The following KLRB1 variants were observed in gnomAD, a reference collection of about 807,000 sequenced individuals.
The protein encoded by KLRB1 is killer cell lectin-like receptor subfamily B member 1.
A neutral mutation model predicts 33.5 loss-of-function variants in KLRB1; 27 were observed. The ratio of observed to expected loss-of-function variants is 0.81; its 90% CI spans 0.59 to 1.11. KLRB1 has a LOEUF of 1.11. KLRB1 is among the 50% of genes most tolerant of loss of function. The probability of loss-of-function intolerance (pLI) is 0.00; values close to 1 mark genes in which losing one functional copy is unlikely to be tolerated. For synonymous variants in KLRB1, 64 were observed against 88.9 expected (o/e 0.72, Z 1.58); for missense variants, 241 against 254.1 (o/e 0.95, Z 0.35).
rs1436211104 is a variant in KLRB1, at chr12:9,601,188, T to A, written c.184+313A>T. Among the ~76,000 whole-genome samples the A allele has an allele frequency of 2.0e-5, 3 of 150,044 alleles. No homozygotes were observed. In the East Asian group the frequency reaches 5.8e-4, roughly 29 times the overall value. ...GACCTTTGTTCACGTGTTTGTCTGC[T>A]GACCCTCTCCCCACAATTGTCTTGT... is the stretch of plus-strand genomic sequence containing the variant. On this transcript the variant is annotated intron_variant, in intron 2 of 5. Transcript: ENST00000229402.
chr12:9,596,256 A>G (rs187853416), intron 5 of KLRB1, among the ~76,000 whole-genome samples: 1 of 152,208 alleles, frequency 6.6e-6, no homozygotes, highest in African/African-American at 2.4e-5. Context: ...ATTTCTTCCT[A>G]CTGCCCAACC....
intron 1 of KLRB1, among the ~76,000 whole-genome samples, chr12:9,607,412 T>TCTTTCTTTCTTTCTTTC (rs1565444769): frequency 6.9e-6 from 1 of 145,398 alleles, no homozygotes; most frequent in Non-Finnish European, 1.5e-5. Flanking sequence ...TTCTTTTCTT[T>TCTTTCTTTCTTTCTTTC]CTTTCTTTCT....
chr12:9,607,734 A>G (rs1864639807), intron 1 of KLRB1, 21 bp downstream of exon 1: 1 of 1,527,506 alleles, frequency 6.5e-7, no homozygotes, highest in Admixed American at 1.7e-5. Flanking sequence ...AAATGCCGAA[A>G]GGAAAATTAA....
Position 9,595,078 on chromosome 12 carries a change from ATG to A in KLRB1, c.*194_*195del, listed in dbSNP as rs1864480012. On this transcript the variant is annotated 3_prime_UTR_variant, in exon 6 of 6. Coordinates refer to ENST00000229402, the MANE Select transcript of KLRB1 (RefSeq NM_002258.3). ...TTTAAAACGATGCACGTTTTTCTCT[ATG>A]TCTCTGTTTCCTCATTTAATAGAAT... is the stretch of plus-strand genomic sequence containing the variant. The A allele has an allele frequency of 1.8e-6, 1 of 560,444 alleles. No homozygotes were observed. Among genetic ancestry groups the A allele is most frequent in the Non-Finnish European group, 3.2e-6 (1 of 316,592 alleles). 34.7% of individuals were successfully genotyped at this position (560,444 alleles called of 1,614,324 possible). A position where few individuals can be genotyped will look rare whatever the true frequency, so the allele number is the denominator to read the frequency against.
At chr12:9,598,477 G>A (rs1864511796) in intron 4 of KLRB1, 22 bp downstream of exon 4, 1 of 1,590,418 alleles carries the variant, frequency 6.3e-7, no homozygotes, top group Non-Finnish European at 8.6e-7. Flanking sequence ...GTTTTATTAA[G>A]GTATTTTATT....
intron 1 of KLRB1, among the ~76,000 whole-genome samples, chr12:9,605,281 G>A (rs1416633577): frequency 6.6e-6 from 1 of 152,162 alleles, no homozygotes; most frequent in Non-Finnish European, 1.5e-5. Context: ...TATTGTGAAT[G>A]CTGCCGCAAT....
At chr12:9,607,369 T>TG (rs1407783330) in intron 1 of KLRB1, among the ~76,000 whole-genome samples, 1 of 89,172 alleles carries the variant, frequency 1.1e-5, no homozygotes, top group African/African-American at 3.5e-5. Context: ...TCTTTCTTTC[T>TG]TTCTTTCTTT....
chr12:9,596,233 G>A (rs759455852), intron 5 of KLRB1, among the ~76,000 whole-genome samples: 4 of 152,150 alleles, frequency 2.6e-5, no homozygotes, highest in African/African-American at 9.6e-5. Context: ...AGCCTCTTGG[G>A]GCTGCTTGTC....
At chr12:9,606,468 C>T (rs1044329575) in intron 1 of KLRB1, 13 of 151,700 alleles carry the variant, frequency 8.6e-5, no homozygotes, top group Admixed American at 7.2e-4. Context: ...TAAGTAGGTT[C>T]GTTACTGATA....
chr12:9,595,078 A>G lies in KLRB1; in HGVS notation c.*196T>C, dbSNP rs1864479985. On this transcript the variant is annotated 3_prime_UTR_variant, in exon 6 of 6. Coordinates refer to ENST00000229402, the MANE Select transcript of KLRB1 (RefSeq NM_002258.3). ...TTTAAAACGATGCACGTTTTTCTCT[A>G]TGTCTCTGTTTCCTCATTTAATAGA... The G allele has an allele frequency of 1.8e-5, 10 of 560,444 alleles. No individual in the cohort carries two copies. In the South Asian group the frequency reaches 2.0e-4, roughly 11 times the overall value. 34.7% of individuals were successfully genotyped at this position (560,444 alleles called of 1,614,324 possible). A position where few individuals can be genotyped will look rare whatever the true frequency, so the allele number is the denominator to read the frequency against.
intron 5 of KLRB1, among the ~76,000 whole-genome samples, chr12:9,597,045 G>A (rs1391777453): frequency 6.6e-6 from 1 of 151,952 alleles, no homozygotes; most frequent in Non-Finnish European, 1.5e-5. Flanking sequence ...TTTAGAATGT[G>A]GCTCATATAA....
intron 1 of KLRB1, among the ~76,000 whole-genome samples, chr12:9,606,909 C>A (rs1204831944): frequency 2.6e-5 from 4 of 151,068 alleles, no homozygotes; most frequent in Non-Finnish European, 5.9e-5. Context: ...GGCACGTGCC[C>A]CACACTTGGC....
At chr12:9,607,405 T>TTTTCTTTC (rs1324774025) in intron 1 of KLRB1, among the ~76,000 whole-genome samples, 1 of 47,988 alleles carries the variant, frequency 2.1e-5, no homozygotes, top group Non-Finnish European at 4.9e-5. Flanking sequence ...TCTTTCTTTC[T>TTTTCTTTC]TTTCTTTCTT....
chr12:9,607,352 C>CTTTG (rs757446968), intron 1 of KLRB1, among the ~76,000 whole-genome samples: 1 of 64,868 alleles, frequency 1.5e-5, no homozygotes, highest in Non-Finnish European at 3.1e-5. Context: ...TTCTTTCTTT[C>CTTTG]TTCCTTTCTT....
Position 9,607,784 on chromosome 12 carries a change from T to C in KLRB1, c.56A>G (p.Glu19Gly). The change falls in exon 1 of 6, where the codon GAA (glutamate) becomes GGA (glycine). Residue 19 changes from glutamate (E) to glycine (G), a missense_variant. Physicochemically the swap from Glu to Gly is moderately conservative, Grantham distance 98. Coordinates refer to ENST00000229402, the MANE Select transcript of KLRB1 (RefSeq NM_002258.3). ...ELNLPTDSGP[E>G]SSSPSSLPRD... Reference sequence around the variant, plus strand: ...AGGAAGAGATGAAGGTGAAGAACTTTCTGGGCCTGAGTCTGTGGGTAAGTT... The same window carrying C: ...AGGAAGAGATGAAGGTGAAGAACTTCCTGGGCCTGAGTCTGTGGGTAAGTT... 1 of 1,613,720 alleles carries C rather than the reference T, an allele frequency of 6.2e-7. No homozygotes were observed. Among genetic ancestry groups the C allele is most frequent in the Non-Finnish European group, 8.5e-7 (1 of 1,179,696 alleles).
chr12:9,599,276 A>G (rs867955811), intron 3 of KLRB1, among the ~76,000 whole-genome samples: 2 of 152,248 alleles, frequency 1.3e-5, no homozygotes, highest in South Asian at 2.1e-4. Flanking sequence ...GAATGTGCAC[A>G]CAGATCATAT....
At chr12:9,607,235 C>CT (rs1170012943) in intron 1 of KLRB1, among the ~76,000 whole-genome samples, 39 of 81,680 alleles carry the variant, frequency 4.8e-4, no homozygotes, top group Non-Finnish European at 8.0e-4. Flanking sequence ...TTCCATCCTT[C>CT]CTTCCTTCCT....
intron 2 of KLRB1, among the ~76,000 whole-genome samples, chr12:9,601,034 G>C (rs766800288): frequency 9.3e-4 from 117 of 125,392 alleles, no homozygotes; most frequent in Non-Finnish European, 1.4e-3. Flanking sequence ...CTGAGATAGG[G>C]AAAAACTGCC....
intron 1 of KLRB1, among the ~76,000 whole-genome samples, chr12:9,607,370 T>TTCTTTCTTTCTTTCTTTCTTTCTC (rs1864628044): frequency 1.3e-4 from 11 of 86,358 alleles, no homozygotes; most frequent in African/African-American, 2.7e-4. Flanking sequence ...CTTTCTTTCT[T>TTCTTTCTTTCTTTCTTTCTTTCTC]TCTTTCTTTC....
Sources: allele counts gnomAD v4.1 joint callset (sites outside exome capture counted in the v4.1 genomes callset), GRCh38; gene constraint gnomAD v4.1.1; transcripts MANE v1.5; gene names NCBI Gene and HGNC (gene_info 2026-07-23, HGNC 2026-07-21).